The following INTS9 variants were observed in gnomAD, a reference collection of about 807,000 sequenced individuals.
INTS9 encodes integrator complex subunit 9.
In INTS9, 55 loss-of-function variants were observed where a neutral mutation model predicts 79.7. The observed-to-expected ratio is 0.69, with a 90% CI of 0.56 to 0.86. The LOEUF is 0.86. Ranked by LOEUF, INTS9 falls within the 40% of genes least tolerant of loss-of-function variation. INTS9 has a pLI of 0.00. For synonymous variants in INTS9, 319 were observed against 325.2 expected, an observed-to-expected ratio of 0.98 and a Z score of 0.20; for missense variants, 721 against 831.5, an observed-to-expected ratio of 0.87 and a Z score of 1.64.
chr8:28,768,418 A>G, intron 16 of INTS9, 96 bp from the exon 17 acceptor site: 1 of 1,127,988 alleles, frequency 8.9e-7, no homozygotes, highest in Non-Finnish European at 1.3e-6. Context: ...CTTTCTAGAA[A>G]CTGACACGTC....
At chr8:28,773,106 A>T (rs1802643255) in intron 14 of INTS9, among the ~76,000 whole-genome samples, 1 of 152,236 alleles carries the variant, frequency 6.6e-6, no homozygotes, top group Non-Finnish European at 1.5e-5. Context: ...ATGGACAAAG[A>T]TTTATGTAAA....
intron 6 of INTS9, among the ~76,000 whole-genome samples, chr8:28,830,517 A>G (rs1346620260): frequency 6.6e-6 from 1 of 151,844 alleles, no homozygotes; most frequent in Non-Finnish European, 1.5e-5. Flanking sequence ...CCAGCTACTC[A>G]GCAGGTTGAT....
intron 1 of INTS9, among the ~76,000 whole-genome samples, chr8:28,881,428 G>T (rs1809790884): frequency 6.9e-6 from 1 of 144,110 alleles, no homozygotes; most frequent in Non-Finnish European, 1.5e-5. Context: ...GGAGGGAGGT[G>T]GGGGGGTCAG....
intron 14 of INTS9, 139 bp downstream of exon 14, chr8:28,775,619 TG>T: frequency 1.1e-6 from 1 of 930,364 alleles, no homozygotes; most frequent in Non-Finnish European, 1.6e-6. Context: ...CCCAAAGTGC[TG>T]GGATTATAGG....
intron 6 of INTS9, among the ~76,000 whole-genome samples, chr8:28,825,237 C>G (rs1436037388): frequency 6.6e-6 from 1 of 152,344 alleles, no homozygotes; most frequent in East Asian, 1.9e-4. Flanking sequence ...AGTTTCTTGA[C>G]TTAATAATGC....
intron 6 of INTS9, among the ~76,000 whole-genome samples, chr8:28,817,367 C>A (rs372287324): frequency 2.0e-3 from 307 of 152,096 alleles, no homozygotes; most frequent in Middle Eastern, 6.8e-3. Flanking sequence ...TCAGCTTTCT[C>A]CATATGGCTA....
intron 16 of INTS9, 190 bp from the exon 17 acceptor site, chr8:28,768,512 C>T (rs939071879): frequency 3.3e-6 from 2 of 611,940 alleles, no homozygotes; most frequent in Non-Finnish European, 5.7e-6. Context: ...CATGCAAAAG[C>T]TCATGCAAAA....
chr8:28,788,024 A>G, intron 10 of INTS9, 135 bp from the exon 11 acceptor site: 1 of 506,968 alleles, frequency 2.0e-6, no homozygotes, highest in Admixed American at 3.1e-5. Context: ...TTCACTGTGA[A>G]TGAAATCCAG....
At chr8:28,858,218 A>AAT (rs1418280286) in intron 2 of INTS9, among the ~76,000 whole-genome samples, 14 of 152,250 alleles carry the variant, frequency 9.2e-5, no homozygotes, top group Non-Finnish European at 1.9e-4. Flanking sequence ...AATTATCCTA[A>AAT]ATATATATAC....
chr8:28,773,485 A>G (rs1442233095), intron 14 of INTS9, among the ~76,000 whole-genome samples: 2 of 148,600 alleles, frequency 1.3e-5, no homozygotes, highest in African/African-American at 5.0e-5. Flanking sequence ...AAAAAAATCT[A>G]TGAAAAAAGG....
intron 1 of INTS9, among the ~76,000 whole-genome samples, chr8:28,873,503 A>T (rs946337253): frequency 5.9e-5 from 9 of 152,246 alleles, no homozygotes; most frequent in Non-Finnish European, 1.2e-4. Context: ...ATTTAAATGA[A>T]GTTCAAGAAT....
chr8:28,789,032 GT>G (rs1341848801), intron 10 of INTS9, among the ~76,000 whole-genome samples: 2 of 152,070 alleles, frequency 1.3e-5, no homozygotes, highest in African/African-American at 4.8e-5. Flanking sequence ...CCTTAGTTTC[GT>G]TTAAGTTTGG....
chr8:28,847,821 A>C (rs1452816812), intron 3 of INTS9, among the ~76,000 whole-genome samples: 2 of 152,188 alleles, frequency 1.3e-5, no homozygotes, highest in Non-Finnish European at 2.9e-5. Flanking sequence ...AGCCACATAC[A>C]ACTTGGGGCA....
chr8:28,887,017 A>G (rs1245921581), intron 1 of INTS9, among the ~76,000 whole-genome samples: 3 of 152,196 alleles, frequency 2.0e-5, no homozygotes, highest in East Asian at 1.9e-4. Context: ...TTATTTACCA[A>G]TTATTTACAC....
chr8:28,851,496 G>A (rs1035629233), intron 2 of INTS9, among the ~76,000 whole-genome samples: 6 of 152,000 alleles, frequency 3.9e-5, no homozygotes, highest in Admixed American at 3.9e-4. Flanking sequence ...GGAGTGCAGT[G>A]GTGCAATCTC....
At chr8:28,874,068 A>C (rs1237664129) in intron 1 of INTS9, among the ~76,000 whole-genome samples, 2 of 152,100 alleles carry the variant, frequency 1.3e-5, no homozygotes, top group Non-Finnish European at 2.9e-5. Flanking sequence ...TCTGACTTGG[A>C]ATTTGCTTTG....
rs1045205362 is a variant in INTS9, at chr8:28,768,199, T to C, written c.1924A>G (p.Met642Val). 17 of 1,614,100 alleles carry C rather than the reference T, an allele frequency of 1.1e-5. No homozygotes were observed. The highest frequency in any genetic ancestry group is 1.4e-5 in the Non-Finnish European group (16 of 1,180,060). Residue 642 changes from methionine to valine, a missense_variant, in exon 17 of 17, where the codon ATG becomes GTG. Physicochemically the swap from Met to Val is conservative, Grantham distance 21 (BLOSUM62 1). This residue lies in a region of INTS9 where 281 missense variants were observed against 300.8 expected (regional missense o/e 0.93). Transcript: ENST00000521022. ...AGGTCCCGCAGTCGCACTCTGAGCA[T>C]CTCGTCATTGTCGCAGATGATATGG... is the stretch of plus-strand genomic sequence containing the variant. ...STHIICDNDE[M>V]LRVRLRDLVL...
rs1304889300 is a variant in INTS9, at chr8:28,770,924, G to A, written c.1662+58C>T. The A allele has an allele frequency of 7.0e-6, 8 of 1,149,508 alleles. No individual in the cohort carries two copies. The African/African-American group carries it at 1.2e-4, about 18-fold the overall frequency. 71.2% of individuals were successfully genotyped at this position (1,149,508 alleles called of 1,614,324 possible). A position where few individuals can be genotyped will look rare whatever the true frequency, so the allele number is the denominator to read the frequency against. ...CGCTATTTCAAATATAATCTGTTAG[G>A]TGGTCTGGTTTCTTGCTGGGGAGAG... On this transcript the variant is annotated intron_variant, in intron 15 of 16. Transcript: ENST00000521022.
chr8:28,836,577 A>G (rs1328937898), intron 5 of INTS9, among the ~76,000 whole-genome samples: 1 of 152,176 alleles, frequency 6.6e-6, no homozygotes, highest in Non-Finnish European at 1.5e-5. Flanking sequence ...TCCATCTTGA[A>G]GGAAGAGTGC....
Sources: gnomAD v4.1 joint callset for allele counts (sites outside exome capture counted in the v4.1 genomes callset) on GRCh38, gnomAD v4.1.1 for gene constraint, gnomAD v4.1.1 regional missense constraint, MANE v1.5 for transcripts, NCBI Gene and HGNC (gene_info 2026-07-23, HGNC 2026-07-21) for gene names.